The following RFC3 variants were observed in gnomAD, a reference collection of about 807,000 sequenced individuals.
RFC3 encodes the protein replication factor C subunit 3.
RFC3 carries 41 observed loss-of-function variants against 45.1 expected under a neutral mutation model. The ratio of observed to expected loss-of-function variants is 0.91; its 90% CI spans 0.71 to 1.18. RFC3 has a LOEUF of 1.18. Ranked by LOEUF, RFC3 falls within the 50% of genes most tolerant of loss-of-function variation. The probability of loss-of-function intolerance (pLI) is 0.00; values close to 1 mark genes in which losing one functional copy is unlikely to be tolerated. For missense variants in RFC3, 423 were observed against 428.1 expected (o/e 0.99, Z 0.10); for synonymous variants, 149 against 144.0 (o/e 1.03, Z -0.25).
chr13:33,824,403 AG>A lies in RFC3; in HGVS notation c.293+421del, dbSNP rs2082030876. Among the ~76,000 whole-genome samples the A allele has an allele frequency of 2.0e-5, 3 of 152,142 alleles. No homozygotes were observed. The South Asian group carries it at 6.2e-4, about 31-fold the overall frequency. On this transcript the variant is annotated intron_variant, in intron 3 of 8. Transcript: ENST00000380071. ...CTCTTTGTTTAAATTTCTTGATTAG[AG>A]GTATTATAATAGTTCACCAACCAAT...
At chr13:33,838,944 T>G (rs2082177570), downstream of RFC3, among the ~76,000 whole-genome samples, 1 of 152,190 alleles carries the variant, frequency 6.6e-6, no homozygotes, top group Non-Finnish European at 1.5e-5. Flanking sequence ...GTAATTTGTC[T>G]CCACCGCATT....
At chr13:33,829,321 G>A in intron 4 of RFC3, among the ~76,000 whole-genome samples, 1 of 152,122 alleles carries the variant, frequency 6.6e-6, no homozygotes, top group Non-Finnish European at 1.5e-5. Flanking sequence ...CTATTCCTTG[G>A]AATTTAATAT....
At chr13:33,934,431 G>C (rs1022869983) in intron 8 of RFC3, among the ~76,000 whole-genome samples, 1 of 152,084 alleles carries the variant, frequency 6.6e-6, no homozygotes, top group Admixed American at 6.6e-5. Context: ...ACTGCAACTG[G>C]AACTAAAAAG....
chr13:33,952,940 T>C (rs151163168), intron 8 of RFC3, among the ~76,000 whole-genome samples: 1 of 152,306 alleles, frequency 6.6e-6, no homozygotes, highest in African/African-American at 2.4e-5. Context: ...TTCATTCCTT[T>C]GTATGGGGAG....
rs1485096504 is a variant in RFC3, at chr13:33,857,992, C to A, written c.879+22775C>A. ...CGTATTTTTAACAGAGGGACTGGCA[C>A]ATAATTAACACATGGGGAAATGATG... is the stretch of plus-strand genomic sequence containing the variant. On this transcript the variant is annotated intron_variant, in intron 8 of 8. Transcript: ENST00000434425. 2.0e-5 allele frequency among the ~76,000 whole-genome samples: 3 copies of A among 152,256 alleles called. No individual in the cohort carries two copies. The East Asian group carries it at 5.8e-4, about 29-fold the overall frequency.
intron 8 of RFC3, among the ~76,000 whole-genome samples, chr13:33,867,030 A>G (rs2137553072): frequency 6.6e-6 from 1 of 152,338 alleles, no homozygotes; most frequent in East Asian, 1.9e-4. Flanking sequence ...TTCCTGATCT[A>G]CGAAGGAAGG....
chr13:33,917,726 C>T (rs964357490), intron 8 of RFC3, among the ~76,000 whole-genome samples: 16 of 152,032 alleles, frequency 1.1e-4, no homozygotes, highest in African/African-American at 3.4e-4. Flanking sequence ...GGATTGCAAA[C>T]CTTTCCTGAT....
intron 8 of RFC3, among the ~76,000 whole-genome samples, chr13:33,965,219 G>T (rs1435265030): frequency 6.6e-6 from 1 of 152,132 alleles, no homozygotes; most frequent in Non-Finnish European, 1.5e-5. Context: ...ATATGACCTT[G>T]GGCAAGTTGA....
intron 7 of RFC3, 80 bp downstream of exon 7, chr13:33,831,434 T>C: frequency 1.4e-6 from 1 of 727,976 alleles, no homozygotes; most frequent in Non-Finnish European, 2.4e-6. Flanking sequence ...TATGCTAATG[T>C]CATTTTGAAT....
chr13:33,934,557 C>G (rs2082874034), intron 8 of RFC3, among the ~76,000 whole-genome samples: 1 of 152,086 alleles, frequency 6.6e-6, no homozygotes, highest in African/African-American at 2.4e-5. Flanking sequence ...GACAGCCCAG[C>G]CTGGGAGTCT....
At chr13:33,818,951 C>T (rs1191081173) in intron 1 of RFC3, among the ~76,000 whole-genome samples, 3 of 133,858 alleles carry the variant, frequency 2.2e-5, no homozygotes, top group Non-Finnish European at 4.6e-5. Flanking sequence ...AATGCAATGG[C>T]GCGGTCTCGG....
chr13:33,883,410 C>T (rs1010802615), intron 8 of RFC3, among the ~76,000 whole-genome samples: 2 of 152,180 alleles, frequency 1.3e-5, no homozygotes, highest in East Asian at 1.9e-4. Context: ...TAAAATGCCA[C>T]ATCAAAGGCA....
chr13:33,821,109 A>T (rs2081998727), intron 1 of RFC3, 23 bp from the exon 2 acceptor site: 1 of 1,612,448 alleles, frequency 6.2e-7, no homozygotes, highest in Non-Finnish European at 8.5e-7. Flanking sequence ...ACTAGGGAAA[A>T]ATGCCTTGTT....
intron 8 of RFC3, among the ~76,000 whole-genome samples, chr13:33,863,727 T>G (rs2082356091): frequency 6.6e-6 from 1 of 152,178 alleles, no homozygotes; most frequent in Non-Finnish European, 1.5e-5. Flanking sequence ...AGTCCTTTGT[T>G]CCAGATTTGT....
the RFC3 span, among the ~76,000 whole-genome samples, chr13:33,972,206 C>CT: frequency 1.3e-5 from 2 of 152,128 alleles, no homozygotes; most frequent in South Asian, 4.2e-4. Flanking sequence ...TGTTTTTGAA[C>CT]TTTTTTTTCA....
chr13:33,910,112 C>G (rs80021196), intron 8 of RFC3, among the ~76,000 whole-genome samples: 9,162 of 152,102 alleles, frequency 0.06, 364 homozygotes, highest in South Asian at 0.12. Flanking sequence ...TCTTTGACTA[C>G]ATACATTAAT....
At chr13:33,931,352 G>A (rs1014431647) in intron 8 of RFC3, among the ~76,000 whole-genome samples, 1 of 152,064 alleles carries the variant, frequency 6.6e-6, no homozygotes, top group African/African-American at 2.4e-5. Context: ...ACACAGGAGC[G>A]GGTCCCCACC....
intron 8 of RFC3, among the ~76,000 whole-genome samples, chr13:33,952,917 A>G (rs2082999343): frequency 2.0e-5 from 3 of 152,194 alleles, no homozygotes; most frequent in African/African-American, 7.2e-5. Flanking sequence ...CGCAGAAGCT[A>G]CCTAGAAGAT....
chr13:33,961,016 A>C (rs548162128), intron 8 of RFC3, among the ~76,000 whole-genome samples: 1 of 152,360 alleles, frequency 6.6e-6, no homozygotes, highest in East Asian at 1.9e-4. Flanking sequence ...TTAAGTTTGA[A>C]TCTCAGATAA....
Sources: gnomAD v4.1 joint callset for allele counts (sites outside exome capture counted in the v4.1 genomes callset) on GRCh38, gnomAD v4.1.1 for gene constraint, MANE v1.5 for transcripts, NCBI Gene and HGNC (gene_info 2026-07-23, HGNC 2026-07-21) for gene names.